The following RAPGEF5 variants were observed in gnomAD, a reference collection of about 807,000 sequenced individuals.
RAPGEF5 encodes the protein M-Ras-regulated GEF.
A neutral mutation model predicts 125.2 loss-of-function variants in RAPGEF5; 65 were observed. The observed-to-expected ratio is 0.52, with a 90% CI of 0.43 to 0.64. RAPGEF5 has a LOEUF of 0.64. RAPGEF5 is among the 30% of genes least tolerant of loss of function. RAPGEF5 has a pLI of 0.00. For synonymous variants in RAPGEF5, 391 were observed against 385.9 expected, an observed-to-expected ratio of 1.01 and a Z score of -0.16; for missense variants, 958 against 1,048.1, an observed-to-expected ratio of 0.91 and a Z score of 1.19.
Position 22,150,515 on chromosome 7 carries a change from A to G in RAPGEF5, c.1787-11T>C, listed in dbSNP as rs762743857. Reference sequence around the variant, plus strand: ...GAAGTTCATGCTTTTCTTTATTTGAAAAAAAAAAAAAAAAAAGGAATAATC... The same window carrying G: ...GAAGTTCATGCTTTTCTTTATTTGAGAAAAAAAAAAAAAAAAGGAATAATC... On this transcript the variant is annotated splice_polypyrimidine_tract_variant and intron_variant, in intron 17 of 25. Transcript: ENST00000665637. The G allele has an allele frequency of 3.4e-4, 48 of 139,620 alleles. No individual in the cohort carries two copies. Among genetic ancestry groups the G allele is most frequent in the Middle Eastern group, 1.9e-3 (1 of 514 alleles). The allele number at this position is 139,620 out of a possible 1,614,324, so 8.6% of individuals were successfully genotyped here. A position where few individuals can be genotyped will look rare whatever the true frequency, so the allele number is the denominator to read the frequency against.
intron 9 of RAPGEF5, among the ~76,000 whole-genome samples, chr7:22,216,667 G>A (rs534059080): frequency 6.6e-6 from 1 of 152,278 alleles, no homozygotes; most frequent in African/African-American, 2.4e-5. Context: ...AGAAGACACA[G>A]CCCATTTCTT....
intron 7 of RAPGEF5, among the ~76,000 whole-genome samples, chr7:22,257,864 C>T (rs971761759): frequency 6.6e-6 from 1 of 152,034 alleles, no homozygotes; most frequent in Non-Finnish European, 1.5e-5. Context: ...AATCAGAAAA[C>T]ATTATATTTA....
At chr7:22,319,964 C>T (rs1199641060) in intron 1 of RAPGEF5, among the ~76,000 whole-genome samples, 1 of 152,192 alleles carries the variant, frequency 6.6e-6, no homozygotes, top group African/African-American at 2.4e-5. Flanking sequence ...TACACTCACA[C>T]AATTCCACTT....
rs573750695 is a variant in RAPGEF5, at chr7:22,194,060, T to C, written c.997-27A>G. On this transcript the variant is annotated intron_variant, in intron 9 of 25. Transcript: ENST00000665637. ...TTTAATTGTGGACAGGGATGATGGATGAGAGAAGGAAAAAGAGAGAGAAAA... is the reference window on the plus strand; with the variant it reads ...TTTAATTGTGGACAGGGATGATGGACGAGAGAAGGAAAAAGAGAGAGAAAA... 6.4e-6 allele frequency: 10 copies of C among 1,563,968 alleles called. 1 individual carries two copies. Among genetic ancestry groups the C allele is most frequent in the South Asian group, 3.5e-5 (3 of 86,898 alleles).
chr7:22,337,146 T>C (rs1784041846), intron 1 of RAPGEF5, among the ~76,000 whole-genome samples: 1 of 152,056 alleles, frequency 6.6e-6, no homozygotes, highest in Non-Finnish European at 1.5e-5. Context: ...CCAGCCTCCC[T>C]GAAAATTTAA....
chr7:22,246,308 T>C (rs545969529), intron 7 of RAPGEF5, among the ~76,000 whole-genome samples: 3 of 152,114 alleles, frequency 2.0e-5, no homozygotes, highest in Non-Finnish European at 4.4e-5. Flanking sequence ...GAAGCCATCA[T>C]ATTCACTGAC....
intron 6 of RAPGEF5, among the ~76,000 whole-genome samples, chr7:22,287,593 A>G (rs1049108368): frequency 2.6e-5 from 4 of 152,202 alleles, no homozygotes; most frequent in African/African-American, 9.6e-5. Flanking sequence ...CAGACTCTCA[A>G]AGAGTACACT....
intron 23 of RAPGEF5, among the ~76,000 whole-genome samples, chr7:22,135,795 C>A (rs1239511351): frequency 6.6e-6 from 1 of 152,086 alleles, no homozygotes; most frequent in African/African-American, 2.4e-5. Flanking sequence ...CAAATGTTTC[C>A]AGTGCCAAGT....
chr7:22,309,735 T>C (rs1783425957), intron 4 of RAPGEF5, among the ~76,000 whole-genome samples: 1 of 152,220 alleles, frequency 6.6e-6, no homozygotes, highest in African/African-American at 2.4e-5. Context: ...GAAGGACTCC[T>C]ACAGGTAATA....
intron 9 of RAPGEF5, among the ~76,000 whole-genome samples, chr7:22,205,470 CACAA>C (rs1463056095): frequency 1.3e-5 from 2 of 152,182 alleles, no homozygotes; most frequent in African/African-American, 2.4e-5. Context: ...GCTCCAGTTC[CACAA>C]ACACTGACTG....
intron 7 of RAPGEF5, among the ~76,000 whole-genome samples, chr7:22,254,608 CAAAAAAAA>C (rs11330777): frequency 1.1e-4 from 9 of 83,020 alleles, no homozygotes; most frequent in Non-Finnish European, 1.2e-4. Flanking sequence ...AACTCCGTCT[CAAAAAAAA>C]AAAAAAAAAA....
At position 22,160,148 on chromosome 7, in the gene RAPGEF5, G is replaced by A. The variant is rs148281778; in HGVS notation, c.1526+370C>T. On this transcript the variant is annotated intron_variant, in intron 14 of 25. Coordinates refer to ENST00000665637, the MANE Select transcript of RAPGEF5 (RefSeq NM_012294.5). ...AATAAAATGTTCCACAACTCCCTGG[G>A]ACCTATTTATAAAACTTTTCCTCCC... is the stretch of plus-strand genomic sequence containing the variant. Among the ~76,000 whole-genome samples the A allele has an allele frequency of 1.1e-3, 170 of 152,056 alleles. 2 individuals carry two copies. The East Asian group carries it at 0.028, about 25-fold the overall frequency.
At chr7:22,205,135 C>A (rs1020973013) in intron 9 of RAPGEF5, among the ~76,000 whole-genome samples, 3 of 152,186 alleles carry the variant, frequency 2.0e-5, no homozygotes, top group Non-Finnish European at 4.4e-5. Flanking sequence ...AAAATCCTCA[C>A]GTACAAACCT....
chr7:22,323,622 A>G (rs934654264), intron 1 of RAPGEF5, among the ~76,000 whole-genome samples: 5 of 152,220 alleles, frequency 3.3e-5, no homozygotes, highest in Admixed American at 1.3e-4. Context: ...ACTTATCTCC[A>G]CTTGTCACTG....
At chr7:22,327,840 A>C (rs1783844362) in intron 1 of RAPGEF5, among the ~76,000 whole-genome samples, 2 of 152,208 alleles carry the variant, frequency 1.3e-5, no homozygotes, top group Admixed American at 1.3e-4. Context: ...GCTCCAACCC[A>C]TGGATTTTGG....
intron 12 of RAPGEF5, among the ~76,000 whole-genome samples, chr7:22,163,849 T>C (rs2128113190): frequency 6.6e-6 from 1 of 152,326 alleles, no homozygotes; most frequent in South Asian, 2.1e-4. Context: ...AATATACAAT[T>C]GCAAAATTGG....
rs1275060218 is a variant in RAPGEF5 at position 22,118,569 on chromosome 7, T to C, written c.*3837A>G. The C allele has an allele frequency of 6.6e-6, 1 of 152,588 alleles. No homozygotes were observed. Among genetic ancestry groups the C allele is most frequent in the African/African-American group, 2.4e-5 (1 of 41,432 alleles). 9.5% of individuals were successfully genotyped at this position (152,588 alleles called of 1,614,324 possible). A position where few individuals can be genotyped will look rare whatever the true frequency, so the allele number is the denominator to read the frequency against. The stretch of plus-strand genomic sequence containing the variant: ...CTGGTAACTCAACAAATGTTTCATA[T>C]TTACCAGTTCTTTAAATGGTGGAAA... On this transcript the variant is annotated 3_prime_UTR_variant, in exon 26 of 26. Coordinates refer to ENST00000665637, the MANE Select transcript of RAPGEF5 (RefSeq NM_012294.5).
chr7:22,280,177 C>T (rs1444585467), intron 6 of RAPGEF5, among the ~76,000 whole-genome samples: 1 of 152,162 alleles, frequency 6.6e-6, no homozygotes, highest in Non-Finnish European at 1.5e-5. Flanking sequence ...CACCAATCCA[C>T]ACAATGGCCT....
chr7:22,284,088 T>TGTGTGCGC (rs4000939), intron 6 of RAPGEF5, among the ~76,000 whole-genome samples: 19 of 151,454 alleles, frequency 1.3e-4, no homozygotes, highest in African/African-American at 3.6e-4. Flanking sequence ...TGTGTGTGTG[T>TGTGTGCGC]GCGCGTGCAT....
Sources: gnomAD v4.1 joint callset for allele counts (sites outside exome capture counted in the v4.1 genomes callset) on GRCh38, gnomAD v4.1.1 for gene constraint, MANE v1.5 for transcripts, NCBI Gene and HGNC (gene_info 2026-07-23, HGNC 2026-07-21) for gene names.